SINHCAF: variants seen among roughly 807,000 people sequenced by gnomAD.
SINHCAF encodes the protein SIN3-HDAC complex associated factor, also known as SIN3-HDAC complex-associated factor.
Under a neutral mutation model 25.8 loss-of-function variants are expected in SINHCAF, and 3 were observed. The observed-to-expected ratio is 0.12, with a 90% confidence interval of 0.05 to 0.30. SINHCAF has a LOEUF of 0.30. SINHCAF is among the 10% of genes least tolerant of loss of function. The pLI is 1.00. For synonymous variants in SINHCAF, 70 were observed against 85.5 expected, an observed-to-expected ratio of 0.82 and a Z score of 1.00; for missense variants, 121 against 262.3, an observed-to-expected ratio of 0.46 and a Z score of 3.72.
At chr12:31,307,648 T>C (rs1279055745) in intron 1 of SINHCAF, among the ~76,000 whole-genome samples, 2 of 152,044 alleles carry the variant, frequency 1.3e-5, no homozygotes, top group Non-Finnish European at 2.9e-5. Context: ...AATAGGAAGT[T>C]AATCTATTGA....
intron 4 of SINHCAF, among the ~76,000 whole-genome samples, chr12:31,290,527 A>AC (rs1488647822): frequency 5.9e-5 from 9 of 152,210 alleles, no homozygotes; most frequent in Non-Finnish European, 1.2e-4. Context: ...TATTTTTAAT[A>AC]TGTTAACTTA....
chr12:31,318,750 T>G (rs1939594490), intron 1 of SINHCAF, among the ~76,000 whole-genome samples: 1 of 152,168 alleles, frequency 6.6e-6, no homozygotes, highest in South Asian at 2.1e-4. Context: ...GAAAGAATAT[T>G]TATTTGCTTT....
intron 5 of SINHCAF, among the ~76,000 whole-genome samples, chr12:31,283,611 A>C (rs891221537): frequency 3.3e-5 from 5 of 152,028 alleles, no homozygotes; most frequent in South Asian, 4.1e-4. Context: ...TCAAAAAAAA[A>C]CAAAAAAGGG....
intron 4 of SINHCAF, among the ~76,000 whole-genome samples, chr12:31,290,203 G>C (rs536482955): frequency 1.4e-4 from 21 of 152,272 alleles, no homozygotes; most frequent in African/African-American, 4.3e-4. Context: ...AGGCTGGAGT[G>C]CAGTGGCTGG....
At chr12:31,320,965 AAAG>A (rs1179548894) in intron 1 of SINHCAF, among the ~76,000 whole-genome samples, 1 of 152,236 alleles carries the variant, frequency 6.6e-6, no homozygotes, top group Non-Finnish European at 1.5e-5. Flanking sequence ...AACTAAATAC[AAAG>A]CTAGAAATAA....
intron 1 of SINHCAF, among the ~76,000 whole-genome samples, chr12:31,301,638 TACA>T: frequency 6.6e-6 from 1 of 152,138 alleles, no homozygotes; most frequent in East Asian, 1.9e-4. Flanking sequence ...GGGCTTTGTT[TACA>T]ACAACCAAGT....
rs1173943927 is a variant in SINHCAF, at chr12:31,287,635, T to G, written c.505A>C (p.Arg169=). 5 of 1,587,596 alleles carry G rather than the reference T, an allele frequency of 3.1e-6. No homozygotes were observed. The highest frequency in any genetic ancestry group is 4.3e-6 in the Non-Finnish European group (5 of 1,163,716). Residue 169 remains arginine (R), a splice_region_variant and synonymous_variant, in exon 5 of 6, where the codon AGA becomes CGA. Coordinates refer to ENST00000337682, the MANE Select transcript of SINHCAF (RefSeq NM_001135812.2). ...FSFLDLTYWK[R]QKICCGIIYK... Reference sequence around the variant, plus strand: ...AGAGAGATACTTTGTTTCTTTTACCTTTTCCAGTAAGTGAGATCTAAAAAG... The same window carrying G: ...AGAGAGATACTTTGTTTCTTTTACCGTTTCCAGTAAGTGAGATCTAAAAAG...
At chr12:31,290,617 TC>T (rs1938271866) in intron 4 of SINHCAF, among the ~76,000 whole-genome samples, 1 of 152,184 alleles carries the variant, frequency 6.6e-6, no homozygotes, top group Admixed American at 6.5e-5. Context: ...ATAATTAACA[TC>T]AACAGACACC....
intron 1 of SINHCAF, among the ~76,000 whole-genome samples, chr12:31,308,247 C>G (rs1939115559): frequency 6.6e-6 from 1 of 152,100 alleles, no homozygotes; most frequent in Non-Finnish European, 1.5e-5. Context: ...GCCTACTAAT[C>G]TTTCTTTAAT....
chr12:31,287,897 A>G (rs1161511791), intron 4 of SINHCAF, 113 bp from the exon 5 acceptor site: 1 of 683,452 alleles, frequency 1.5e-6, no homozygotes, highest in East Asian at 2.8e-5. Flanking sequence ...AAAAGTAAAA[A>G]ATAATTCATT....
chr12:31,307,755 C>T (rs1337625191), intron 1 of SINHCAF, among the ~76,000 whole-genome samples: 1 of 152,144 alleles, frequency 6.6e-6, no homozygotes, highest in African/African-American at 2.4e-5. Flanking sequence ...ATCTCTCCAA[C>T]AGTTTTATAT....
intron 1 of SINHCAF, among the ~76,000 whole-genome samples, chr12:31,317,155 C>G (rs1448616344): frequency 6.6e-6 from 1 of 152,142 alleles, no homozygotes; most frequent in Non-Finnish European, 1.5e-5. Flanking sequence ...GAGCAATAGT[C>G]AAACGTGGTA....
rs1464532077 is a variant in SINHCAF at position 31,295,258 on chromosome 12, T to G, written c.204A>C (p.Ala68=). Residue 68 remains alanine (A), a synonymous_variant, in exon 3 of 6, where the codon GCA becomes GCC. Coordinates refer to ENST00000337682, the MANE Select transcript of SINHCAF (RefSeq NM_001135812.2). ...LLVKRWKKLP[A]GSKKNWNHVV... is the part of the protein sequence containing the mutation. The stretch of plus-strand genomic sequence containing the variant: ...CATGATTCCAGTTTTTTTTTGATCC[T>G]GCTGGCAACTTCTTCCATCTTTTCA... 3.7e-6 allele frequency: 6 copies of G among 1,610,760 alleles called. No individual in the cohort carries two copies. The African/African-American group carries it at 5.3e-5, about 14-fold the overall frequency.
intron 1 of SINHCAF, among the ~76,000 whole-genome samples, chr12:31,313,250 C>T (rs1724016013): frequency 6.6e-6 from 1 of 152,134 alleles, no homozygotes; most frequent in African/African-American, 2.4e-5. Context: ...TGGTCTCGAA[C>T]TCCTGACCTC....
chr12:31,281,693 T>C lies in SINHCAF; in HGVS notation c.*1019A>G, dbSNP rs1288892001. 1 of 152,228 alleles carries C rather than the reference T, an allele frequency of 6.6e-6. No individual in the cohort carries two copies. The highest frequency in any genetic ancestry group is 1.5e-5 in the Non-Finnish European group (1 of 68,046). The allele number at this position is 152,228 out of a possible 1,614,324, so 9.4% of individuals were successfully genotyped here. A position where few individuals can be genotyped will look rare whatever the true frequency, so the allele number is the denominator to read the frequency against. On this transcript the variant is annotated 3_prime_UTR_variant, in exon 6 of 6. Coordinates refer to ENST00000337682, the MANE Select transcript of SINHCAF (RefSeq NM_001135812.2). ...TTTTAATCGAGTGTGTTCTCTACCATGCGGTAATGCTTTGGTACTATTCAT... is the reference window on the plus strand; with the variant it reads ...TTTTAATCGAGTGTGTTCTCTACCACGCGGTAATGCTTTGGTACTATTCAT...
rs59813982 is a variant in SINHCAF, at chr12:31,282,674, A to AT, written c.*37dup. 0.015 allele frequency: 16,936 copies of AT among 1,136,230 alleles called. No individual in the cohort carries two copies. The highest frequency in any genetic ancestry group is 0.021 in the South Asian group (1,268 of 59,432). The allele number at this position is 1,136,230 out of a possible 1,614,324, so 70.4% of individuals were successfully genotyped here. A position where few individuals can be genotyped will look rare whatever the true frequency, so the allele number is the denominator to read the frequency against. ...CTTTGTGGTTTTTCAAAATTCAGAT[A>AT]TTTTTTTTTTTGTTCCCCTTCTACA... On this transcript the variant is annotated 3_prime_UTR_variant, in exon 6 of 6. Transcript: ENST00000337682.
Position 31,324,634 on chromosome 12 carries a change from G to A in SINHCAF, c.-21+1390C>T. 7.8e-6 allele frequency: 2 copies of A among 256,936 alleles called. No individual in the cohort carries two copies. The highest frequency in any genetic ancestry group is 3.7e-5 in the South Asian group (1 of 27,314). 15.9% of individuals were successfully genotyped at this position (256,936 alleles called of 1,614,324 possible). A position where few individuals can be genotyped will look rare whatever the true frequency, so the allele number is the denominator to read the frequency against. ...CGGCGGCCCCGAGCGCCGGGGGCCCGCACGGGCACATGCAGCCCTTTGTTT... is the reference window on the plus strand; with the variant it reads ...CGGCGGCCCCGAGCGCCGGGGGCCCACACGGGCACATGCAGCCCTTTGTTT... On this transcript the variant is annotated intron_variant, in intron 1 of 5. Transcript: ENST00000337682. This position sits in a 1 kb window ranked among gnomAD's most constrained non-coding sequence, Gnocchi z 5.5.
intron 1 of SINHCAF, among the ~76,000 whole-genome samples, chr12:31,323,524 CAA>C (rs1221019720): frequency 6.6e-6 from 1 of 152,100 alleles, no homozygotes; most frequent in Admixed American, 6.6e-5. Context: ...CTGTTTAACT[CAA>C]GAGTAAATCC....
chr12:31,292,806 A>C (rs1220167022), intron 4 of SINHCAF, among the ~76,000 whole-genome samples: 2 of 152,186 alleles, frequency 1.3e-5, no homozygotes, highest in African/African-American at 4.8e-5. Context: ...TCCTCACTTT[A>C]CCGTCACTAA....
Sources: gnomAD v4.1 joint callset for allele counts (sites outside exome capture counted in the v4.1 genomes callset) on GRCh38, gnomAD v4.1.1 for gene constraint, Gnocchi (gnomAD v3.1) non-coding constraint, MANE v1.5 for transcripts, NCBI Gene and HGNC (gene_info 2026-07-23, HGNC 2026-07-21) for gene names.